The following DLG2 variants were observed in gnomAD, a reference collection of about 807,000 sequenced individuals.
DLG2 encodes the protein discs large MAGUK scaffold protein 2.
In DLG2, 45 loss-of-function variants were observed where a neutral mutation model predicts 132.5. The ratio of observed to expected loss-of-function variants is 0.34; its 90% CI spans 0.27 to 0.44. DLG2 has a LOEUF of 0.44. DLG2 is among the 20% of genes least tolerant of loss of function. DLG2 has a pLI of 1.00. For synonymous variants in DLG2, 424 were observed against 419.6 expected, an observed-to-expected ratio of 1.01 and a Z score of -0.13; for missense variants, 1,045 against 1,196.9, an observed-to-expected ratio of 0.87 and a Z score of 1.87.
intron 19 of DLG2, among the ~76,000 whole-genome samples, chr11:83,594,391 G>C (rs1194472529): frequency 2.0e-5 from 3 of 152,192 alleles, no homozygotes; most frequent in Non-Finnish European, 2.9e-5. Flanking sequence ...TAAGAAATAT[G>C]TTGCATCATT....
At chr11:84,033,531 T>A (rs974055040) in intron 11 of DLG2, among the ~76,000 whole-genome samples, 1 of 152,208 alleles carries the variant, frequency 6.6e-6, no homozygotes, top group African/African-American at 2.4e-5. Flanking sequence ...CTGGTGAAGA[T>A]GTGAATATTG....
At chr11:84,148,503 T>C (rs1208994973) in intron 9 of DLG2, among the ~76,000 whole-genome samples, 1 of 152,144 alleles carries the variant, frequency 6.6e-6, no homozygotes, top group African/African-American at 2.4e-5. Context: ...CTGCGTTAGT[T>C]TGCTCAGGAT....
intron 15 of DLG2, among the ~76,000 whole-genome samples, chr11:83,917,989 C>G (rs185065087): frequency 6.6e-6 from 1 of 152,184 alleles, no homozygotes; most frequent in East Asian, 1.9e-4. Flanking sequence ...GTTTGCAAGT[C>G]CCCTTAGTAG....
intron 4 of DLG2, among the ~76,000 whole-genome samples, chr11:85,171,816 T>A (rs1767435627): frequency 6.6e-6 from 1 of 152,130 alleles, no homozygotes; most frequent in South Asian, 2.1e-4. Context: ...TGGAAGGAGT[T>A]CCCCACAATA....
intron 15 of DLG2, among the ~76,000 whole-genome samples, chr11:83,880,940 T>A (rs2066073894): frequency 6.6e-6 from 1 of 152,202 alleles, no homozygotes; most frequent in Non-Finnish European, 1.5e-5. Flanking sequence ...TCTTTCTTTA[T>A]GAGATAGTTT....
chr11:85,595,904 AT>A (rs1190056357), intron 3 of DLG2, among the ~76,000 whole-genome samples: 2 of 152,290 alleles, frequency 1.3e-5, no homozygotes, highest in East Asian at 3.9e-4. Flanking sequence ...ACATGCTAGT[AT>A]TTTTTTAAGC....
intron 6 of DLG2, among the ~76,000 whole-genome samples, chr11:85,013,957 A>T (rs1481586332): frequency 6.6e-6 from 1 of 152,160 alleles, no homozygotes; most frequent in African/African-American, 2.4e-5. Context: ...AATACATAGT[A>T]AGTTTCTTTA....
At chr11:83,775,451 T>C (rs969217674) in intron 18 of DLG2, among the ~76,000 whole-genome samples, 2 of 152,242 alleles carry the variant, frequency 1.3e-5, no homozygotes, top group Non-Finnish European at 2.9e-5. Context: ...CTCAGTTTCC[T>C]CATCTGTAAA....
At chr11:85,522,363 C>A (rs190501748) in intron 3 of DLG2, among the ~76,000 whole-genome samples, 133 of 152,312 alleles carry the variant, frequency 8.7e-4, no homozygotes, top group African/African-American at 3.1e-3. Flanking sequence ...TAGAAGTCTG[C>A]TGCCAGGGTG....
chr11:83,873,894 C>T (rs1277943119), intron 16 of DLG2, among the ~76,000 whole-genome samples: 1 of 152,146 alleles, frequency 6.6e-6, no homozygotes, highest in Non-Finnish European at 1.5e-5. Context: ...CCATTAATCC[C>T]TTATGCATAT....
chr11:84,192,189 A>T (rs1467656034), intron 8 of DLG2, among the ~76,000 whole-genome samples: 2 of 152,200 alleles, frequency 1.3e-5, no homozygotes, highest in Non-Finnish European at 2.9e-5. Flanking sequence ...GTAGATTATA[A>T]GGAGAAAATA....
At chr11:84,982,888 T>C (rs1309484610) in intron 6 of DLG2, among the ~76,000 whole-genome samples, 3 of 152,050 alleles carry the variant, frequency 2.0e-5, no homozygotes, top group Non-Finnish European at 4.4e-5. Context: ...CACCCACTCG[T>C]GATAATAATT....
intron 6 of DLG2, among the ~76,000 whole-genome samples, chr11:84,977,469 T>G (rs1166421421): frequency 6.6e-6 from 1 of 152,154 alleles, no homozygotes; most frequent in African/African-American, 2.4e-5. Context: ...TTTTTCTTAT[T>G]TTTAAAGCCA....
intron 8 of DLG2, among the ~76,000 whole-genome samples, chr11:84,241,422 TAGA>T (rs138592389): frequency 1.1e-4 from 17 of 152,326 alleles, no homozygotes; most frequent in African/African-American, 3.8e-4. Context: ...CTCACTTTCC[TAGA>T]AGAAGCATAA....
At chr11:84,397,109 A>T (rs1250640840) in intron 7 of DLG2, among the ~76,000 whole-genome samples, 1 of 152,182 alleles carries the variant, frequency 6.6e-6, no homozygotes, top group African/African-American at 2.4e-5. Context: ...ATTCTTAACG[A>T]ATGAATGAAA....
intron 7 of DLG2, among the ~76,000 whole-genome samples, chr11:84,453,832 C>T (rs1316032035): frequency 6.6e-6 from 1 of 151,634 alleles, no homozygotes; most frequent in Non-Finnish European, 1.5e-5. Flanking sequence ...GGCAGAATGC[C>T]TATCATATGG....
At chr11:85,139,601 C>T (rs1280005441) in intron 5 of DLG2, among the ~76,000 whole-genome samples, 1 of 151,880 alleles carries the variant, frequency 6.6e-6, no homozygotes, top group South Asian at 2.1e-4. Context: ...ATATTTATCA[C>T]TTCTCATATA....
intron 6 of DLG2, among the ~76,000 whole-genome samples, chr11:84,899,179 T>C (rs547606364): frequency 3.3e-5 from 5 of 151,980 alleles, no homozygotes; most frequent in Non-Finnish European, 7.4e-5. Context: ...CTATGAAAAA[T>C]GTATCAAAGA....
In DLG2 at chr11:84,809,458, A is replaced by AT. The variant is rs200770272; in HGVS notation, c.358-274728_358-274727insA. On this transcript the variant is annotated intron_variant, in intron 6 of 27. Transcript: ENST00000376104. ...AGAAAAAAAAAATAAAAGTCATAAG[A>AT]AAGAAAGAAATAAGACTGTTCCTAT... Among the ~76,000 whole-genome samples, 208 of 124,148 alleles carry AT rather than the reference A, an allele frequency of 1.7e-3. 1 individual carries two copies. Among genetic ancestry groups the AT allele is most frequent in the African/African-American group, 6.2e-3 (202 of 32,544 alleles). 81.4% of individuals were successfully genotyped at this position (124,148 alleles called of 152,430 possible). A position where few individuals can be genotyped will look rare whatever the true frequency, so the allele number is the denominator to read the frequency against.
Sources: allele counts gnomAD v4.1 joint callset (sites outside exome capture counted in the v4.1 genomes callset), GRCh38; gene constraint gnomAD v4.1.1; transcripts MANE v1.5; gene names NCBI Gene and HGNC (gene_info 2026-07-23, HGNC 2026-07-21).